Variants in PCDHGB1 observed in about 807,000 individuals in gnomAD.
PCDHGB1 encodes the protein protocadherin gamma-B1.
PCDHGB1 carries 34 observed loss-of-function variants against 56.6 expected under a neutral mutation model. That is an observed-to-expected ratio of 0.60 (90% CI 0.46 to 0.80). The LOEUF is 0.80. PCDHGB1 is among the 30% of genes least tolerant of loss of function. The pLI, the probability that PCDHGB1 is intolerant of heterozygous loss-of-function variation, is 0.00. For synonymous variants in PCDHGB1, 561 were observed against 505.9 expected, an observed-to-expected ratio of 1.11 and a Z score of -1.46; for missense variants, 1,278 against 1,204.6, an observed-to-expected ratio of 1.06 and a Z score of -0.90.
At chr5:141,472,359 G>T (rs2099278248) in intron 1 of PCDHGB1, among the ~76,000 whole-genome samples, 1 of 151,944 alleles carries the variant, frequency 6.6e-6, no homozygotes, top group Admixed American at 6.6e-5. Flanking sequence ...GGCTAACACG[G>T]TGAAACCCCG....
chr5:141,364,339 T>A, intron 1 of PCDHGB1: 1 of 1,532,912 alleles, frequency 6.5e-7, no homozygotes. Context: ...CAATGGCGAG[T>A]CCACCTAGGG....
chr5:141,377,430 T>C (rs1308051444), intron 1 of PCDHGB1: 1 of 151,886 alleles, frequency 6.6e-6, no homozygotes, highest in Non-Finnish European at 1.5e-5. Context: ...ACTCTGTCTC[T>C]ACCAAAAAGA....
chr5:141,415,408 G>T, intron 1 of PCDHGB1: 1 of 1,614,224 alleles, frequency 6.2e-7, no homozygotes, highest in Non-Finnish European at 8.5e-7. Context: ...CTCGCACTTT[G>T]TGGGCGTGGA....
chr5:141,490,981 C>T lies in PCDHGB1; in HGVS notation c.2410-3826C>T. 19 of 1,614,096 alleles carry T rather than the reference C, an allele frequency of 1.2e-5. No homozygotes were observed. The highest frequency in any genetic ancestry group is 1.5e-5 in the Non-Finnish European group (18 of 1,180,018). Reference sequence around the variant, plus strand: ...ACACTCAGCCCCCCAGCGTCTCCCTCGCTCTGCTCCTCCTGGCTCCTTGGT... The same window carrying T: ...ACACTCAGCCCCCCAGCGTCTCCCTTGCTCTGCTCCTCCTGGCTCCTTGGT... On this transcript the variant is annotated intron_variant, in intron 1 of 3. Transcript: ENST00000523390. The surrounding 1 kb of genome is among the most constrained non-coding windows in gnomAD (Gnocchi z 5.4).
chr5:141,351,202 T>A lies in PCDHGB1; in HGVS notation c.942T>A (p.Ser314Arg). The A allele has an allele frequency of 6.2e-7, 1 of 1,613,948 alleles. No individual in the cohort carries two copies. Among genetic ancestry groups the A allele is most frequent in the Non-Finnish European group, 8.5e-7 (1 of 1,179,884 alleles). ...AAGAGACAAGTAGATATGTGTTGAG[T>A]GTGGAAGCTAAGGATGGAGGAGTAC... ...DFEETSRYVLSVEAKDGGVHT... is the reference protein window; with the variant it reads ...DFEETSRYVLRVEAKDGGVHT... Residue 314 changes from serine (S) to arginine (R), a missense_variant, in exon 1 of 4, where the codon AGT becomes AGA. Transcript: ENST00000523390.
chr5:141,379,889 C>CTTTTGTTTTTTTTT (rs1775942254), intron 1 of PCDHGB1, among the ~76,000 whole-genome samples: 1 of 50,830 alleles, frequency 2.0e-5, no homozygotes, highest in African/African-American at 6.6e-5. Context: ...GTGAAAGCCT[C>CTTTTGTTTTTTTTT]TTTTTTTTTT....
At position 141,491,390 on chromosome 5, in the gene PCDHGB1, T is replaced by C; in HGVS notation, c.2410-3417T>C. 6.2e-7 allele frequency: 1 copy of C among 1,614,130 alleles called. No homozygotes were observed. Among genetic ancestry groups the C allele is most frequent in the Non-Finnish European group, 8.5e-7 (1 of 1,179,988 alleles). ...TTCACCTTTCTGTCAGCGAAGTGCC[T>C]TCAGGGAAACGCAGACGGGGACGGG... On this transcript the variant is annotated intron_variant, in intron 1 of 3. Coordinates refer to ENST00000523390, the MANE Select transcript of PCDHGB1 (RefSeq NM_018922.3). This position sits in a 1 kb window ranked among gnomAD's most constrained non-coding sequence, Gnocchi z 6.9.
chr5:141,403,909 A>G (rs2094466419), intron 1 of PCDHGB1: 1 of 1,613,946 alleles, frequency 6.2e-7, no homozygotes, highest in East Asian at 2.2e-5. Context: ...AAATGGAAAT[A>G]CAAGCTGAAG....
At chr5:141,480,414 C>CA (rs10712552) in intron 1 of PCDHGB1, among the ~76,000 whole-genome samples, 44 of 147,474 alleles carry the variant, frequency 3.0e-4, no homozygotes, top group Non-Finnish European at 4.4e-4. Context: ...GACCCTGTCT[C>CA]AAAAAAAAAA....
chr5:141,389,001 G>T (rs1313177903), intron 1 of PCDHGB1: 1 of 1,614,018 alleles, frequency 6.2e-7, no homozygotes, highest in Non-Finnish European at 8.5e-7. Context: ...CCGTGACAAG[G>T]ATTCCAGACA....
At chr5:141,423,210 C>T in intron 1 of PCDHGB1, 2 of 1,613,696 alleles carry the variant, frequency 1.2e-6, no homozygotes, top group Non-Finnish European at 1.7e-6. Flanking sequence ...CCGTCACGCT[C>T]ACCGTGGCTG....
Position 141,350,789 on chromosome 5 carries a change from C to G in PCDHGB1, c.529C>G (p.Leu177Val), listed in dbSNP as rs368449960. Residue 177 changes from leucine (L) to valine (V), a missense_variant, in exon 1 of 4, where the codon CTG becomes GTG. Coordinates refer to ENST00000523390, the MANE Select transcript of PCDHGB1 (RefSeq NM_018922.3). ...YTINPNQYFS[L>V]STKESPDGSK... ...CATCAACCCCAATCAATACTTCTCT[C>G]TGTCAACGAAGGAAAGTCCTGATGG... The G allele has an allele frequency of 1.2e-6, 2 of 1,613,852 alleles. No homozygotes were observed. Among genetic ancestry groups the G allele is most frequent in the African/African-American group, 2.7e-5 (2 of 74,952 alleles).
chr5:141,418,589 C>G lies in PCDHGB1; in HGVS notation c.2409+65920C>G, dbSNP rs184213052. ...CAATGACAACCCCCCAGTGTTCAGC[C>G]AGGACGTGTACAGGGTTAGCCTTCG... On this transcript the variant is annotated intron_variant, in intron 1 of 3. Transcript: ENST00000523390. 5.5e-4 allele frequency: 884 copies of G among 1,614,012 alleles called. 4 individuals carry two copies. Among genetic ancestry groups the G allele is most frequent in the South Asian group, 4.0e-3 (361 of 91,086 alleles).
chr5:141,412,559 GTTTA>G (rs2095563108), intron 1 of PCDHGB1: 1 of 152,224 alleles, frequency 6.6e-6, no homozygotes, highest in Admixed American at 6.5e-5. Flanking sequence ...TATCTCATGA[GTTTA>G]TTTAATATAA....
At chr5:141,389,445 G>C in intron 1 of PCDHGB1, 3 of 1,610,528 alleles carry the variant, frequency 1.9e-6, no homozygotes, top group Non-Finnish European at 2.5e-6. Flanking sequence ...CTTCGACCAC[G>C]AGCAGCTGCG....
At chr5:141,468,748 C>T (rs2099176836) in intron 1 of PCDHGB1, among the ~76,000 whole-genome samples, 1 of 151,866 alleles carries the variant, frequency 6.6e-6, no homozygotes, top group South Asian at 2.1e-4. Context: ...TGCCTGTAGT[C>T]CCAGCTACTC....
chr5:141,490,910 A>G lies in PCDHGB1; in HGVS notation c.2410-3897A>G. The G allele has an allele frequency of 1.2e-6, 2 of 1,613,652 alleles. No individual in the cohort carries two copies. Among genetic ancestry groups the G allele is most frequent in the African/African-American group, 1.3e-5 (1 of 75,048 alleles). ...TCTCTGCATGTGTTTGTCCTAGACG[A>G]GAATGATAATGCCCCAGCTGTGCTG... On this transcript the variant is annotated intron_variant, in intron 1 of 3. Transcript: ENST00000523390. This position sits in a 1 kb window ranked among gnomAD's most constrained non-coding sequence, Gnocchi z 5.4.
intron 1 of PCDHGB1, chr5:141,414,372 A>G: frequency 1.2e-6 from 2 of 1,613,914 alleles, no homozygotes; most frequent in Non-Finnish European, 1.7e-6. Context: ...TTAAATTAGA[A>G]AAGTCCATTG....
intron 3 of PCDHGB1, among the ~76,000 whole-genome samples, chr5:141,505,969 A>G (rs1454691041): frequency 1.3e-5 from 2 of 152,142 alleles, no homozygotes; most frequent in Non-Finnish European, 2.9e-5. Context: ...AGAAATCCCC[A>G]GCCGAGAGAA....
Sources: allele counts gnomAD v4.1 joint callset (sites outside exome capture counted in the v4.1 genomes callset), GRCh38; gene constraint gnomAD v4.1.1; non-coding constraint Gnocchi (gnomAD v3.1); transcripts MANE v1.5; gene names NCBI Gene and HGNC (gene_info 2026-07-23, HGNC 2026-07-21).